MAGI2: variants seen among roughly 807,000 people sequenced by gnomAD.
MAGI2 encodes the protein membrane associated guanylate kinase, WW and PDZ domain containing 2.
In MAGI2, 35 loss-of-function variants were observed where a neutral mutation model predicts 133.3. The ratio of observed to expected loss-of-function variants is 0.26; its 90% CI spans 0.20 to 0.35. MAGI2 has a LOEUF of 0.35. Among genes scored for constraint, MAGI2 ranks in the 10% least tolerant of loss-of-function variants. MAGI2 has a pLI of 1.00. For missense variants in MAGI2, 1,636 were observed against 1,863.4 expected, an observed-to-expected ratio of 0.88 and a Z score of 2.25; for synonymous variants, 729 against 710.6, an observed-to-expected ratio of 1.03 and a Z score of -0.41.
At chr7:78,432,917 T>C (rs1417489080) in intron 6 of MAGI2, among the ~76,000 whole-genome samples, 1 of 152,078 alleles carries the variant, frequency 6.6e-6, no homozygotes, top group Non-Finnish European at 1.5e-5. Flanking sequence ...TAATATCAGA[T>C]AATGGTAAAA....
At chr7:78,461,383 C>CGTGTGTGTGT (rs1333014289) in intron 6 of MAGI2, among the ~76,000 whole-genome samples, 9 of 92,656 alleles carry the variant, frequency 9.7e-5, no homozygotes, top group African/African-American at 3.2e-4. Context: ...TTCCTGGACA[C>CGTGTGTGTGT]GTGTGTGTGC....
chr7:78,360,735 C>A (rs550889527), intron 7 of MAGI2, among the ~76,000 whole-genome samples: 1 of 152,332 alleles, frequency 6.6e-6, no homozygotes, highest in African/African-American at 2.4e-5. Context: ...GACAGCACTG[C>A]TCACGCAGCT....
At chr7:78,122,329 A>T (rs919075366) in intron 20 of MAGI2, among the ~76,000 whole-genome samples, 1 of 152,208 alleles carries the variant, frequency 6.6e-6, no homozygotes, top group Non-Finnish European at 1.5e-5. Flanking sequence ...GACTAGTTAT[A>T]TCTGGTCTAT....
Position 78,627,152 on chromosome 7 carries a change from C to T in MAGI2, c.506G>A (p.Ser169Asn). The change falls in exon 3 of 22, where the codon AGT (serine) becomes AAT (asparagine). Residue 169 changes from serine (S) to asparagine (N), a missense_variant. By Grantham distance (46) the Ser-to-Asn change is conservative. Coordinates refer to ENST00000354212, the MANE Select transcript of MAGI2 (RefSeq NM_012301.4). ...AGTCCCACTTTCTAGGAGAGCACCA[C>T]TTTTCTCCAATTCCATAAAATCTTC... ...TVEDFMELEKSGALLESGTYE... is the reference protein window; with the variant it reads ...TVEDFMELEKNGALLESGTYE... 1 of 1,597,864 alleles carries T rather than the reference C, an allele frequency of 6.3e-7. No individual in the cohort carries two copies. The highest frequency in any genetic ancestry group is 8.5e-7 in the Non-Finnish European group (1 of 1,172,454).
At chr7:79,188,314 CT>C (rs1432224152) in intron 1 of MAGI2, among the ~76,000 whole-genome samples, 1 of 151,674 alleles carries the variant, frequency 6.6e-6, no homozygotes, top group Non-Finnish European at 1.5e-5. Context: ...TGTTGTTGCT[CT>C]TTACCCTGTG....
intron 3 of MAGI2, among the ~76,000 whole-genome samples, chr7:78,587,507 C>T (rs1803551266): frequency 6.6e-6 from 1 of 152,100 alleles, no homozygotes; most frequent in Non-Finnish European, 1.5e-5. Context: ...TTAATAGTAT[C>T]TGTTTCAGTT....
intron 3 of MAGI2, chr7:78,614,234 C>T (rs979165484): frequency 1.3e-5 from 2 of 149,344 alleles, no homozygotes; most frequent in African/African-American, 5.0e-5. Flanking sequence ...AAGTGTACTG[C>T]AGCTTTTACT....
intron 1 of MAGI2, among the ~76,000 whole-genome samples, chr7:79,121,153 T>C (rs1186086634): frequency 6.6e-6 from 1 of 152,140 alleles, no homozygotes. Flanking sequence ...AAATAGTTTA[T>C]TAAATACTAG....
At chr7:79,340,135 T>A (rs528022493) in intron 1 of MAGI2, among the ~76,000 whole-genome samples, 1 of 152,216 alleles carries the variant, frequency 6.6e-6, no homozygotes, top group Non-Finnish European at 1.5e-5. Flanking sequence ...TTTGGTTTTG[T>A]TTTTCATGGA....
At position 78,377,644 on chromosome 7, in the gene MAGI2, T is replaced by A. The variant is rs200543259; in HGVS notation, c.1046-8431A>T. On this transcript the variant is annotated intron_variant, in intron 6 of 21. Transcript: ENST00000354212. ...GACACACCAACTACTCTGCAAAAAA[T>A]AATAATAATAATAAAAAATAAAAAA... Among the ~76,000 whole-genome samples the A allele has an allele frequency of 1.9e-3, 121 of 65,094 alleles. 1 individual carries two copies. The highest frequency in any genetic ancestry group is 2.4e-3 in the South Asian group (5 of 2,106). 42.7% of individuals were successfully genotyped at this position (65,094 alleles called of 152,430 possible).
chr7:78,130,725 G>A (rs207468098), intron 18 of MAGI2, among the ~76,000 whole-genome samples: 1 of 152,202 alleles, frequency 6.6e-6, no homozygotes, highest in South Asian at 2.1e-4. Context: ...ATATCTTAGA[G>A]GCAATGTAGT....
At chr7:78,921,643 T>C (rs1433531491) in intron 2 of MAGI2, among the ~76,000 whole-genome samples, 1 of 152,052 alleles carries the variant, frequency 6.6e-6, no homozygotes, top group Non-Finnish European at 1.5e-5. Context: ...TTTTTTTTTT[T>C]TCTATTGAGA....
intron 1 of MAGI2, among the ~76,000 whole-genome samples, chr7:79,158,233 G>A (rs1001116645): frequency 6.6e-6 from 1 of 151,852 alleles, no homozygotes; most frequent in African/African-American, 2.4e-5. Context: ...ATCATAACAT[G>A]TACTTCTATC....
chr7:78,268,815 T>C lies in MAGI2; in HGVS notation c.1409-12234A>G, dbSNP rs182250733. Among the ~76,000 whole-genome samples, 37 of 152,322 alleles carry C rather than the reference T, an allele frequency of 2.4e-4. No individual in the cohort carries two copies. In the East Asian group the frequency reaches 6.0e-3, roughly 25 times the overall value. On this transcript the variant is annotated intron_variant, in intron 9 of 21. Coordinates refer to ENST00000354212, the MANE Select transcript of MAGI2 (RefSeq NM_012301.4). ...TTATTTTTTATTATACTTTAAGTTC[T>C]GGGGTACATGTGCAGAATGTGCAGG...
At chr7:78,059,287 A>C (rs1003072371) in intron 21 of MAGI2, among the ~76,000 whole-genome samples, 1 of 152,158 alleles carries the variant, frequency 6.6e-6, no homozygotes, top group African/African-American at 2.4e-5. Context: ...GGTGATGATA[A>C]TGGGTACACA....
rs561034349 is a variant in MAGI2 at position 78,098,379 on chromosome 7, A to G, written c.3568-19294T>C. ...ATGTGATTCTGCAACTTGTTTTTTG[A>G]CTCAACATTACGTTGTTGCAATTTA... On this transcript the variant is annotated intron_variant, in intron 20 of 21. Coordinates refer to ENST00000354212, the MANE Select transcript of MAGI2 (RefSeq NM_012301.4). 2.4e-4 allele frequency among the ~76,000 whole-genome samples: 36 copies of G among 152,216 alleles called. 1 individual carries two copies. In the South Asian group the frequency reaches 7.5e-3, roughly 32 times the overall value.
At chr7:78,321,871 T>A (rs1405706778) in intron 9 of MAGI2, among the ~76,000 whole-genome samples, 1 of 152,078 alleles carries the variant, frequency 6.6e-6, no homozygotes, top group East Asian at 1.9e-4. Flanking sequence ...AATCTATCTA[T>A]CTGACAAAGG....
chr7:78,748,361 T>C (rs1280834743), intron 2 of MAGI2, among the ~76,000 whole-genome samples: 1 of 152,174 alleles, frequency 6.6e-6, no homozygotes, highest in African/African-American at 2.4e-5. Context: ...ATAGAGGTTT[T>C]TTCTGGAATT....
At chr7:78,288,279 T>C (rs1012493401) in intron 9 of MAGI2, among the ~76,000 whole-genome samples, 2 of 152,058 alleles carry the variant, frequency 1.3e-5, no homozygotes. Context: ...ACATGAAAAA[T>C]AATATTTAAA....
Sources: gnomAD v4.1 joint callset for allele counts (sites outside exome capture counted in the v4.1 genomes callset) on GRCh38, gnomAD v4.1.1 for gene constraint, MANE v1.5 for transcripts, NCBI Gene and HGNC (gene_info 2026-07-23, HGNC 2026-07-21) for gene names.